Variants in CHN1 observed in about 807,000 individuals in gnomAD.
The protein encoded by CHN1 is N-chimaerin.
A neutral mutation model predicts 59.5 loss-of-function variants in CHN1; 37 were observed. The observed-to-expected ratio is 0.62, with a 90% CI of 0.48 to 0.82. CHN1 has a LOEUF of 0.82. Ranked by LOEUF, CHN1 falls within the 40% of genes least tolerant of loss-of-function variation. The probability of loss-of-function intolerance (pLI) is 0.00; values close to 1 mark genes in which losing one functional copy is unlikely to be tolerated. For missense variants in CHN1, 469 were observed against 571.0 expected (o/e 0.82, Z 1.82); for synonymous variants, 206 against 200.4 (o/e 1.03, Z -0.24).
chr2:174,973,677 T>C (rs1690831409), intron 1 of CHN1, among the ~76,000 whole-genome samples: 1 of 152,188 alleles, frequency 6.6e-6, no homozygotes. Context: ...CACCCCACTT[T>C]GTGCTGCCAG....
intron 10 of CHN1, among the ~76,000 whole-genome samples, chr2:174,809,828 C>A (rs1685016707): frequency 1.3e-5 from 2 of 152,168 alleles, no homozygotes; most frequent in African/African-American, 4.8e-5. Context: ...TGGGGTAAAG[C>A]TGATGAGATT....
chr2:174,986,025 G>T (rs1486856833), intron 1 of CHN1, among the ~76,000 whole-genome samples: 1 of 151,920 alleles, frequency 6.6e-6, no homozygotes, highest in Middle Eastern at 3.2e-3. Context: ...ATTTTCCAGG[G>T]TCCAAACATC....
intron 7 of CHN1, among the ~76,000 whole-genome samples, chr2:174,827,128 T>C (rs1197750942): frequency 6.6e-6 from 1 of 152,198 alleles, no homozygotes; most frequent in East Asian, 1.9e-4. Context: ...ATATCTCAAG[T>C]TTCCTTTGTT....
rs1685071220 is a variant in CHN1 at position 174,811,460 on chromosome 2, T to C, written c.964+51A>G. On this transcript the variant is annotated intron_variant, in intron 10 of 12. Transcript: ENST00000409900. Reference sequence around the variant, plus strand: ...ATACCTCACAAGAAATTGTGCCTTTTTAGAAAAGAGTATTATTGTCCTAAG... The same window carrying C: ...ATACCTCACAAGAAATTGTGCCTTTCTAGAAAAGAGTATTATTGTCCTAAG... 11 of 1,289,788 alleles carry C rather than the reference T, an allele frequency of 8.5e-6. No homozygotes were observed. In the Middle Eastern group the frequency reaches 5.6e-4, roughly 66 times the overall value. 79.9% of individuals were successfully genotyped at this position (1,289,788 alleles called of 1,614,324 possible).
At chr2:174,834,353 C>T (rs976989272) in intron 7 of CHN1, among the ~76,000 whole-genome samples, 10 of 152,168 alleles carry the variant, frequency 6.6e-5, no homozygotes, top group African/African-American at 2.4e-4. Flanking sequence ...ACTATTACTT[C>T]TAGTGTTCTT....
chr2:174,807,513 T>TGTGTGTGTGTGTGTGTGTG (rs58430205), intron 11 of CHN1, among the ~76,000 whole-genome samples: 6 of 141,680 alleles, frequency 4.2e-5, no homozygotes, highest in East Asian at 2.1e-4. Context: ...TGTGTGTGTG[T>TGTGTGTGTGTGTGTGTGTG]TGCTTTCTAG....
intron 1 of CHN1, among the ~76,000 whole-genome samples, chr2:174,980,502 T>A (rs1329897239): frequency 6.6e-6 from 1 of 152,166 alleles, no homozygotes; most frequent in African/African-American, 2.4e-5. Flanking sequence ...ATTATGATTT[T>A]AAAATTGTTT....
rs200243009 is a variant in CHN1, at chr2:174,906,141, TG to T, written c.260+8916del. On this transcript the variant is annotated intron_variant, in intron 5 of 12. Transcript: ENST00000409900. The stretch of plus-strand genomic sequence containing the variant: ...TATACCCAAAAGAAATAAAAACATA[TG>T]TTTATACAAAAACTTGCACACAATT... 7.8e-3 allele frequency among the ~76,000 whole-genome samples: 1,184 copies of T among 152,258 alleles called. 16 individuals carry two copies. Among genetic ancestry groups the T allele is most frequent in the African/African-American group, 0.027 (1,138 of 41,556 alleles).
chr2:174,807,513 T>TGTGTGTGTGTGG (rs58430205), intron 11 of CHN1, among the ~76,000 whole-genome samples: 1 of 141,684 alleles, frequency 7.1e-6, no homozygotes, highest in East Asian at 2.1e-4. Flanking sequence ...TGTGTGTGTG[T>TGTGTGTGTGTGG]TGCTTTCTAG....
intron 8 of CHN1, among the ~76,000 whole-genome samples, chr2:174,819,949 A>G (rs1203089315): frequency 1.3e-5 from 2 of 151,482 alleles, no homozygotes; most frequent in East Asian, 1.9e-4. Flanking sequence ...TTTACTGAGA[A>G]TGATGATTTC....
Position 174,865,895 on chromosome 2 carries a change from C to CTTG in CHN1, c.549+11942_549+11944dup, listed in dbSNP as rs1352347596. Among the ~76,000 whole-genome samples, 4 of 152,102 alleles carry CTTG rather than the reference C, an allele frequency of 2.6e-5. No individual in the cohort carries two copies. In the East Asian group the frequency reaches 7.7e-4, roughly 29 times the overall value. On this transcript the variant is annotated intron_variant, in intron 6 of 12. Transcript: ENST00000409900. Reference sequence around the variant, plus strand: ...GAAAATTATGGCAGCTAGAAGGGACCTTGTGGTCATCTATGAAGCTGAGTC... The same window carrying CTTG: ...GAAAATTATGGCAGCTAGAAGGGACCTTGTTGTGGTCATCTATGAAGCTGAGTC...
chr2:174,817,630 T>TC (rs1401193432), intron 8 of CHN1, among the ~76,000 whole-genome samples: 1 of 150,286 alleles, frequency 6.7e-6, no homozygotes. Flanking sequence ...CCCAGCTGAT[T>TC]TTTTTTTCTT....
At chr2:174,836,785 G>A (rs1286551011) in intron 7 of CHN1, among the ~76,000 whole-genome samples, 1 of 152,210 alleles carries the variant, frequency 6.6e-6, no homozygotes, top group Non-Finnish European at 1.5e-5. Flanking sequence ...CCTGACTGGA[G>A]CTACTGGTGC....
chr2:174,891,890 C>T (rs1688064441), intron 5 of CHN1, among the ~76,000 whole-genome samples: 1 of 151,902 alleles, frequency 6.6e-6, no homozygotes, highest in African/African-American at 2.4e-5. Context: ...AAAAATATAG[C>T]AAAGACTAAA....
intron 3 of CHN1, among the ~76,000 whole-genome samples, chr2:174,943,556 C>T (rs1273692994): frequency 6.6e-6 from 1 of 152,038 alleles, no homozygotes; most frequent in East Asian, 1.9e-4. Context: ...TTTTTCTTTA[C>T]CTTTTTTGTT....
chr2:174,875,981 C>T (rs759210501), intron 6 of CHN1: 10 of 234,284 alleles, frequency 4.3e-5, no homozygotes, highest in African/African-American at 9.3e-5. Flanking sequence ...TATGTACTGC[C>T]GCAGAGAGAT....
At chr2:174,963,050 T>C (rs1187970418) in intron 1 of CHN1, among the ~76,000 whole-genome samples, 5 of 152,156 alleles carry the variant, frequency 3.3e-5, no homozygotes, top group Non-Finnish European at 5.9e-5. Flanking sequence ...ATACCTAATA[T>C]AAAAGATAAT....
Position 174,799,689 on chromosome 2 carries a change from T to C in CHN1, c.*427A>G. ...AGAGGTGCTGTTTTATCCATTTGTG[T>C]GTGCGTGTTTGTACAAGCATCAGAA... On this transcript the variant is annotated 3_prime_UTR_variant, in exon 13 of 13. Transcript: ENST00000409900. The C allele has an allele frequency of 1.9e-6, 1 of 534,090 alleles. No individual in the cohort carries two copies. Among genetic ancestry groups the C allele is most frequent in the Non-Finnish European group, 3.6e-6 (1 of 276,298 alleles). 33.1% of individuals were successfully genotyped at this position (534,090 alleles called of 1,614,324 possible).
intron 5 of CHN1, among the ~76,000 whole-genome samples, chr2:174,907,401 C>T (rs1015914383): frequency 6.6e-6 from 1 of 152,144 alleles, no homozygotes; most frequent in Non-Finnish European, 1.5e-5. Context: ...ACTCCCCTCC[C>T]GTATAGACCT....
Sources: allele counts gnomAD v4.1 joint callset (sites outside exome capture counted in the v4.1 genomes callset), GRCh38; gene constraint gnomAD v4.1.1; transcripts MANE v1.5; gene names NCBI Gene and HGNC (gene_info 2026-07-23, HGNC 2026-07-21).